The following HEATR5A variants were observed in gnomAD, a reference collection of about 807,000 sequenced individuals.
HEATR5A encodes the protein HEAT repeat containing 5A, also known as HEAT repeat-containing protein 5A.
Under a neutral mutation model 218.8 loss-of-function variants are expected in HEATR5A, and 178 were observed. That is an observed-to-expected ratio of 0.81 (90% CI 0.72 to 0.92). The LOEUF is 0.92. Ranked by LOEUF, HEATR5A falls within the 40% of genes least tolerant of loss-of-function variation. The pLI is 0.00. For synonymous variants in HEATR5A, 864 were observed against 871.6 expected, an observed-to-expected ratio of 0.99 and a Z score of 0.15; for missense variants, 2,420 against 2,418.9, an observed-to-expected ratio of 1.00 and a Z score of -0.01.
At chr14:31,348,052 A>G (rs1901078630) in intron 18 of HEATR5A, 145 bp from the exon 19 acceptor site, 5 of 475,518 alleles carry the variant, frequency 1.1e-5, no homozygotes, top group Non-Finnish European at 1.8e-5. Context: ...TAACTAATAA[A>G]AACTTCTGAA....
chr14:31,319,569 G>C lies in HEATR5A; in HGVS notation c.3970-1277C>G, dbSNP rs552064647. Among the ~76,000 whole-genome samples the C allele has an allele frequency of 5.3e-5, 8 of 152,208 alleles. 1 individual carries two copies. Among genetic ancestry groups the C allele is most frequent in the Middle Eastern group, 6.8e-3 (2 of 294 alleles). ...TGCTAATCAACTGATGAACTGCTCTGGTCTCCCTAACTGCTAGCCATCAGA... is the reference window on the plus strand; with the variant it reads ...TGCTAATCAACTGATGAACTGCTCTCGTCTCCCTAACTGCTAGCCATCAGA... On this transcript the variant is annotated intron_variant, in intron 25 of 35. Coordinates refer to ENST00000543095, the MANE Select transcript of HEATR5A (RefSeq NM_015473.4).
intron 22 of HEATR5A, among the ~76,000 whole-genome samples, chr14:31,335,947 G>A (rs1262846630): frequency 6.7e-6 from 1 of 148,212 alleles, no homozygotes; most frequent in Non-Finnish European, 1.5e-5. Context: ...GAGCCACTGT[G>A]ACCAGCCAGG....
rs1193131139 is a variant in HEATR5A at position 31,386,314 on chromosome 14, C to T, written c.1345+106G>A. 10 of 778,756 alleles carry T rather than the reference C, an allele frequency of 1.3e-5. No homozygotes were observed. In the East Asian group the frequency reaches 3.1e-4, roughly 24 times the overall value. 48.2% of individuals were successfully genotyped at this position (778,756 alleles called of 1,614,324 possible). On this transcript the variant is annotated intron_variant, in intron 9 of 35. Coordinates refer to ENST00000543095, the MANE Select transcript of HEATR5A (RefSeq NM_015473.4). Reference sequence around the variant, plus strand: ...TATAAATTTTTCATAAAACATTTCTCATAAATCTATAATGGAATCTATAAG... The same window carrying T: ...TATAAATTTTTCATAAAACATTTCTTATAAATCTATAATGGAATCTATAAG...
At chr14:31,334,086 A>G (rs1900569594) in intron 22 of HEATR5A, among the ~76,000 whole-genome samples, 1 of 150,468 alleles carries the variant, frequency 6.6e-6, no homozygotes, top group South Asian at 2.1e-4. Flanking sequence ...CCTGGATGAT[A>G]GCATATCTGT....
At chr14:31,389,975 G>T (rs548871556) in intron 6 of HEATR5A, among the ~76,000 whole-genome samples, 83 of 152,252 alleles carry the variant, frequency 5.5e-4, no homozygotes, top group Middle Eastern at 3.4e-3. Flanking sequence ...ATATGGGGGT[G>T]GAGTGAAGTG....
chr14:31,360,933 T>G (rs769223189), intron 14 of HEATR5A, among the ~76,000 whole-genome samples: 1 of 152,164 alleles, frequency 6.6e-6, no homozygotes, highest in Non-Finnish European at 1.5e-5. Context: ...GCCTCCTGAA[T>G]AGCTGAGATT....
intron 6 of HEATR5A, among the ~76,000 whole-genome samples, chr14:31,390,487 T>C (rs1446347210): frequency 1.3e-5 from 2 of 152,204 alleles, no homozygotes; most frequent in Admixed American, 6.5e-5. Flanking sequence ...CACATAAATA[T>C]ATATTTTAAA....
At chr14:31,350,001 C>A (rs1296003371) in intron 17 of HEATR5A, 22 bp from the exon 18 acceptor site, 2 of 1,468,240 alleles carry the variant, frequency 1.4e-6, no homozygotes, top group Non-Finnish European at 1.8e-6. Context: ...AAAGAACAAC[C>A]CAAACTTACA....
rs747850954 is a variant in HEATR5A, at chr14:31,387,137, T to G, written c.1172A>C (p.Lys391Thr). 1 of 1,614,034 alleles carries G rather than the reference T, an allele frequency of 6.2e-7. No homozygotes were observed. Among genetic ancestry groups the G allele is most frequent in the Non-Finnish European group, 8.5e-7 (1 of 1,179,886 alleles). The change falls in exon 8 of 36, where the codon AAG becomes ACG. Residue 391 changes from lysine to threonine, a missense_variant. Physicochemically the swap from Lys to Thr is moderately conservative, Grantham distance 78 (BLOSUM62 -1). Transcript: ENST00000543095. ...ATCCATACCCATAACTTTCTTTAGC[T>G]TCCAGATGGCCTGGCAAATATCCTT... ...AVKDICQAIW[K>T]LKKVMDAVMS...
intron 33 of HEATR5A, 81 bp from the exon 34 acceptor site, chr14:31,296,144 AAC>A (rs1273246289): frequency 8.4e-7 from 1 of 1,188,078 alleles, no homozygotes; most frequent in Non-Finnish European, 1.2e-6. Flanking sequence ...GTTTGGTAGT[AAC>A]AGTTTGGTGT....
intron 4 of HEATR5A, among the ~76,000 whole-genome samples, chr14:31,397,658 C>CAA (rs537734132): frequency 5.3e-5 from 4 of 75,750 alleles, no homozygotes; most frequent in Admixed American, 1.5e-4. Context: ...GACTCCGTCT[C>CAA]AAAAAAAAAA....
chr14:31,356,956 C>G (rs1348445628), intron 16 of HEATR5A, among the ~76,000 whole-genome samples: 1 of 152,144 alleles, frequency 6.6e-6, no homozygotes, highest in African/African-American at 2.4e-5. Flanking sequence ...GTTTCATCCA[C>G]AGTAGTTATT....
At chr14:31,371,353 T>G (rs896432306) in intron 13 of HEATR5A, among the ~76,000 whole-genome samples, 13 of 152,222 alleles carry the variant, frequency 8.5e-5, no homozygotes, top group Admixed American at 3.3e-4. Flanking sequence ...AGATGCTGTT[T>G]TCAAAGAACT....
chr14:31,346,529 G>A (rs927407987), intron 19 of HEATR5A, among the ~76,000 whole-genome samples: 1 of 152,084 alleles, frequency 6.6e-6, no homozygotes, highest in Non-Finnish European at 1.5e-5. Flanking sequence ...AAGGAGAGAA[G>A]AGAAAAAGAA....
intron 1 of HEATR5A, among the ~76,000 whole-genome samples, chr14:31,407,584 T>TTATATATA (rs1039144242): frequency 3.0e-3 from 4 of 1,326 alleles, no homozygotes; most frequent in African/African-American, 3.9e-3. Flanking sequence ...CTTATTTTAT[T>TTATATATA]TATATATATA....
intron 1 of HEATR5A, among the ~76,000 whole-genome samples, chr14:31,418,468 A>G (rs1473448534): frequency 1.3e-5 from 2 of 152,240 alleles, no homozygotes; most frequent in Non-Finnish European, 2.9e-5. Context: ...CTGCCAGCAG[A>G]GCAGATTTGA....
At position 31,295,911 on chromosome 14, in the gene HEATR5A, C is replaced by A; in HGVS notation, c.5617G>T (p.Val1873Leu). The A allele has an allele frequency of 6.2e-7, 1 of 1,612,904 alleles. No individual in the cohort carries two copies. The part of the protein sequence containing the change: ...FKATLEIKDP[V>L]VQIKTYQLLH... ...TCTTTCTGCTAAAAGACACTTACCA[C>A]AGGATCTTTTATCTCAAGAGTAGCT... The change falls in exon 34 of 36, where the codon GTG becomes TTG. Residue 1873 changes from valine (V) to leucine (L), a missense_variant and splice_region_variant. Coordinates refer to ENST00000543095, the MANE Select transcript of HEATR5A (RefSeq NM_015473.4).
At chr14:31,358,074 C>A (rs1373490198) in intron 16 of HEATR5A, among the ~76,000 whole-genome samples, 1 of 152,088 alleles carries the variant, frequency 6.6e-6, no homozygotes, top group Non-Finnish European at 1.5e-5. Context: ...GGTTGTGCAC[C>A]CCTCACAATG....
chr14:31,365,050 TTATTGG>T (rs1901753743), intron 13 of HEATR5A, among the ~76,000 whole-genome samples: 1 of 151,850 alleles, frequency 6.6e-6, no homozygotes, highest in Non-Finnish European at 1.5e-5. Context: ...AATTTTTGTA[TTATTGG>T]TAGAGACGGG....
Sources: allele counts gnomAD v4.1 joint callset (sites outside exome capture counted in the v4.1 genomes callset), GRCh38; gene constraint gnomAD v4.1.1; transcripts MANE v1.5; gene names NCBI Gene and HGNC (gene_info 2026-07-23, HGNC 2026-07-21).